The following KCNIP4 variants were observed in gnomAD, a reference collection of about 807,000 sequenced individuals.
KCNIP4 encodes Kv channel-interacting protein 4.
In KCNIP4, 12 loss-of-function variants were observed where a neutral mutation model predicts 34.0. That is an observed-to-expected ratio of 0.35 (90% CI 0.23 to 0.57). The LOEUF is 0.57. Ranked by LOEUF, KCNIP4 falls within the 20% of genes least tolerant of loss-of-function variation. KCNIP4 has a pLI of 0.83. For missense variants in KCNIP4, 238 were observed against 311.7 expected, an observed-to-expected ratio of 0.76 and a Z score of 1.78; for synonymous variants, 124 against 102.2, an observed-to-expected ratio of 1.21 and a Z score of -1.29.
chr4:21,404,806 A>T (rs1723833089), intron 1 of KCNIP4, among the ~76,000 whole-genome samples: 1 of 152,228 alleles, frequency 6.6e-6, no homozygotes, highest in Admixed American at 6.5e-5. Flanking sequence ...TGGCAACTGC[A>T]TATGATTTGC....
chr4:21,433,599 T>C (rs1267288162), intron 1 of KCNIP4, among the ~76,000 whole-genome samples: 1 of 152,158 alleles, frequency 6.6e-6, no homozygotes, highest in Non-Finnish European at 1.5e-5. Flanking sequence ...TAGTTTGGAG[T>C]TGGTTCTCAG....
intron 1 of KCNIP4, among the ~76,000 whole-genome samples, chr4:21,239,391 A>C: frequency 6.6e-6 from 1 of 151,546 alleles, no homozygotes; most frequent in East Asian, 1.9e-4. Flanking sequence ...TAATTAAACT[A>C]AAGAGCTTCT....
chr4:20,853,301 C>T (rs1721227848), intron 2 of KCNIP4, among the ~76,000 whole-genome samples: 1 of 148,238 alleles, frequency 6.7e-6, no homozygotes, highest in Admixed American at 7.0e-5. Flanking sequence ...GCACATAGAC[C>T]AGTGGAACAG....
chr4:21,465,665 T>G (rs1004634659), intron 1 of KCNIP4, among the ~76,000 whole-genome samples: 8 of 152,224 alleles, frequency 5.3e-5, no homozygotes, highest in Admixed American at 4.6e-4. Context: ...GCTTTCTCAG[T>G]CTTTTAATTT....
At chr4:21,405,474 T>C (rs1392071037) in intron 1 of KCNIP4, among the ~76,000 whole-genome samples, 3 of 152,200 alleles carry the variant, frequency 2.0e-5, no homozygotes, top group Non-Finnish European at 4.4e-5. Flanking sequence ...TTCCTATTAT[T>C]GGAGCCCGGT....
chr4:21,453,335 G>T (rs1728667518), intron 1 of KCNIP4, among the ~76,000 whole-genome samples: 1 of 152,018 alleles, frequency 6.6e-6, no homozygotes, highest in Non-Finnish European at 1.5e-5. Flanking sequence ...GAGGTAGAAG[G>T]TCTTGTACCT....
intron 1 of KCNIP4, among the ~76,000 whole-genome samples, chr4:21,360,516 T>G (rs1369164903): frequency 6.6e-6 from 1 of 152,092 alleles, no homozygotes; most frequent in Admixed American, 6.6e-5. Flanking sequence ...TTATATTTAA[T>G]TGTCTTTTTT....
chr4:21,341,564 T>A (rs536695690), intron 1 of KCNIP4, among the ~76,000 whole-genome samples: 11 of 112,516 alleles, frequency 9.8e-5, no homozygotes, highest in African/African-American at 4.6e-4. Flanking sequence ...TCATTAACAA[T>A]TCTTATTACC....
At chr4:20,803,470 C>CA (rs551176038) in intron 3 of KCNIP4, among the ~76,000 whole-genome samples, 877 of 85,820 alleles carry the variant, frequency 0.01, 72 homozygotes, top group Non-Finnish European at 0.012. Context: ...TCATCTTTAC[C>CA]AAAAAAAAAA....
rs934844627 is a variant in KCNIP4, at chr4:21,384,246, C to T, written c.62-501537G>A. ...TTTTTTATGTTAAATAGCATTTATC[C>T]TATATTAAAACATATTAAGGGCTTT... On this transcript the variant is annotated intron_variant, in intron 1 of 8. Transcript: ENST00000382152. 1.8e-4 allele frequency among the ~76,000 whole-genome samples: 28 copies of T among 152,086 alleles called. 1 individual carries two copies. Among genetic ancestry groups the T allele is most frequent in the Admixed American group, 1.2e-3 (19 of 15,254 alleles).
rs182860890 is a variant in KCNIP4, at chr4:20,831,956, T to A, written c.288+18587A>T. Among the ~76,000 whole-genome samples the A allele has an allele frequency of 7.2e-5, 11 of 152,308 alleles. 1 individual carries two copies. The highest frequency in any genetic ancestry group is 2.0e-4 in the Admixed American group (3 of 15,286). On this transcript the variant is annotated intron_variant, in intron 3 of 8. Coordinates refer to ENST00000382152, the MANE Select transcript of KCNIP4 (RefSeq NM_025221.6). The stretch of plus-strand genomic sequence containing the variant: ...ACCACTGTGGCCAACATACGGGAAC[T>A]CAGGCAACTAAAATAATTACAGACC...
chr4:20,785,327 T>C (rs1711822557), intron 3 of KCNIP4, among the ~76,000 whole-genome samples: 2 of 118,860 alleles, frequency 1.7e-5, no homozygotes, highest in South Asian at 3.6e-4. Flanking sequence ...GATTTTTTTT[T>C]CTTTTTTTTT....
chr4:21,865,576 T>G (rs1419919811), intron 1 of KCNIP4, among the ~76,000 whole-genome samples: 2 of 152,122 alleles, frequency 1.3e-5, no homozygotes, highest in Non-Finnish European at 2.9e-5. Context: ...GGAGTTTCGC[T>G]CTTGTTGCCC....
chr4:21,199,480 A>G (rs1259339039), intron 1 of KCNIP4, among the ~76,000 whole-genome samples: 1 of 152,172 alleles, frequency 6.6e-6, no homozygotes, highest in Non-Finnish European at 1.5e-5. Flanking sequence ...CCTTTGTCAG[A>G]TCAGTAGATT....
chr4:21,651,888 T>C (rs1747509767), intron 1 of KCNIP4, among the ~76,000 whole-genome samples: 1 of 152,190 alleles, frequency 6.6e-6, no homozygotes, highest in African/African-American at 2.4e-5. Flanking sequence ...TATATAGCTA[T>C]GTAATACAGA....
intron 1 of KCNIP4, among the ~76,000 whole-genome samples, chr4:21,591,322 T>G (rs1204243938): frequency 1.3e-5 from 2 of 152,012 alleles, no homozygotes; most frequent in Non-Finnish European, 2.9e-5. Context: ...AAAGAAAAAT[T>G]GTGAAATATT....
chr4:20,733,124 A>C (rs1051059256), intron 6 of KCNIP4, among the ~76,000 whole-genome samples: 4 of 152,202 alleles, frequency 2.6e-5, no homozygotes, highest in Admixed American at 2.0e-4. Context: ...TGCATTATAT[A>C]TCTTATGTGT....
rs145116958 is a variant in KCNIP4 at position 21,485,520 on chromosome 4, A to G, written c.61+463051T>C. The stretch of plus-strand genomic sequence containing the variant: ...TAATCCAATCTCAACTCTTTAAATC[A>G]TCTCACAATTTTACGCTCTGGCATA... On this transcript the variant is annotated intron_variant, in intron 1 of 8. Transcript: ENST00000382152. Among the ~76,000 whole-genome samples, 675 of 152,232 alleles carry G rather than the reference A, an allele frequency of 4.4e-3. 5 individuals are homozygous for G. Among genetic ancestry groups the G allele is most frequent in the Non-Finnish European group, 7.6e-3 (518 of 68,016 alleles).
chr4:21,491,322 T>C (rs565198827), intron 1 of KCNIP4, among the ~76,000 whole-genome samples: 47 of 152,188 alleles, frequency 3.1e-4, no homozygotes, highest in Admixed American at 3.0e-3. Context: ...TTGAAAGGCA[T>C]GTGTGGAAGA....
Sources: allele counts gnomAD v4.1 joint callset (sites outside exome capture counted in the v4.1 genomes callset), GRCh38; gene constraint gnomAD v4.1.1; transcripts MANE v1.5; gene names NCBI Gene and HGNC (gene_info 2026-07-23, HGNC 2026-07-21).